NLRC5: variants seen among roughly 807,000 people sequenced by gnomAD.
NLRC5 encodes the protein NLR family CARD domain containing 5.
In NLRC5, 114 loss-of-function variants were observed where a neutral mutation model predicts 206.9. That is an observed-to-expected ratio of 0.55 (90% CI 0.47 to 0.64). The LOEUF (loss-of-function observed/expected upper bound fraction) is 0.64, where lower values mean the gene tolerates loss of function less well. Among genes scored for constraint, NLRC5 ranks in the 30% least tolerant of loss-of-function variants. The probability of loss-of-function intolerance (pLI) is 0.00; values close to 1 mark genes in which losing one functional copy is unlikely to be tolerated. For synonymous variants in NLRC5, 952 were observed against 962.8 expected (o/e 0.99, Z 0.21); for missense variants, 2,008 against 2,305.5 (o/e 0.87, Z 2.64).
chr16:57,044,178 G>A (rs1248223787), intron 20 of NLRC5, among the ~76,000 whole-genome samples: 4 of 151,028 alleles, frequency 2.6e-5, no homozygotes, highest in Non-Finnish European at 4.4e-5. Flanking sequence ...GGGCGTGGTT[G>A]TGAGCCCTTG....
chr16:57,051,717 C>G, intron 24 of NLRC5, 96 bp downstream of exon 24: 1 of 942,938 alleles, frequency 1.1e-6, no homozygotes, highest in East Asian at 2.4e-5. Context: ...ACCCCTCAAC[C>G]CCCCGCCTTT....
At chr16:57,046,786 G>C in intron 22 of NLRC5, 145 bp downstream of exon 22, 2 of 673,318 alleles carry the variant, frequency 3.0e-6, no homozygotes, top group Non-Finnish European at 2.5e-6. Context: ...AAGAGGCGTG[G>C]GTGTGAGGGG....
In NLRC5 at chr16:57,034,215, C is replaced by A; in HGVS notation, c.2591C>A (p.Ala864Asp). The change falls in exon 13 of 49, where the codon GCC becomes GAC. Residue 864 changes from alanine to aspartate, a missense_variant. Transcript: ENST00000688547. ...GTCCACGATGCGGAGGCCCTCATAG[C>A]CCTGCTCCAGGAAGGCCCTCACCTG... The part of the protein sequence containing the change: ...LQVHDAEALI[A>D]LLQEGPHLEE... 5 of 1,614,090 alleles carry A rather than the reference C, an allele frequency of 3.1e-6. No homozygotes were observed. Among genetic ancestry groups the A allele is most frequent in the South Asian group, 1.1e-5 (1 of 91,060 alleles).
rs1312291958 is a variant in NLRC5, at chr16:57,020,758, T to C, written c.46T>C (p.Cys16Arg). 3 of 1,612,424 alleles carry C rather than the reference T, an allele frequency of 1.9e-6. No homozygotes were observed. ...GCTCGGCAACAAGAACCTGTGGAGC[T>C]GTCTTGTGAGGCTGCTCACCAAAGA... ...LQLGNKNLWSCLVRLLTKDPE... is the reference protein window; with the variant it reads ...LQLGNKNLWSRLVRLLTKDPE... Residue 16 changes from cysteine to arginine, a missense_variant, in exon 3 of 49, where the codon TGT becomes CGT. Physicochemically the swap from Cys to Arg is radical, Grantham distance 180. Coordinates refer to ENST00000688547, the MANE Select transcript of NLRC5 (RefSeq NM_001384950.1).
In NLRC5 at chr16:57,081,369, C is replaced by G. The variant is rs578180760; in HGVS notation, c.5406-158C>G. 7.0e-5 allele frequency: 61 copies of G among 876,780 alleles called. 1 individual carries two copies. The South Asian group carries it at 9.4e-4, about 13-fold the overall frequency. 54.3% of individuals were successfully genotyped at this position (876,780 alleles called of 1,614,324 possible). On this transcript the variant is annotated intron_variant, in intron 47 of 48. Coordinates refer to ENST00000688547, the MANE Select transcript of NLRC5 (RefSeq NM_001384950.1). The stretch of plus-strand genomic sequence containing the variant: ...TCTAGCCTTCAGCCTTCCTGCTGCA[C>G]CTGCCACCAGTCCCCTGTTGTCTTT...
At chr16:57,078,042 C>A (rs2068625696) in intron 43 of NLRC5, 22 bp downstream of exon 43, 1 of 1,553,648 alleles carries the variant, frequency 6.4e-7, no homozygotes, top group Non-Finnish European at 8.8e-7. Flanking sequence ...CCTGCCCATA[C>A]CATGCAGGGC....
At chr16:57,003,490 G>T (rs2058539569) in intron 1 of NLRC5, among the ~76,000 whole-genome samples, 2 of 151,940 alleles carry the variant, frequency 1.3e-5, no homozygotes, top group African/African-American at 2.4e-5. Context: ...TCTCTGCCCG[G>T]ATGCCCCCAC....
intron 46 of NLRC5, among the ~76,000 whole-genome samples, chr16:57,080,613 T>C (rs1162216648): frequency 6.6e-6 from 1 of 151,070 alleles, no homozygotes; most frequent in African/African-American, 2.4e-5. Context: ...GCCTCCTGAG[T>C]AGCTGGGATT....
At position 57,042,193 on chromosome 16, in the gene NLRC5, C is replaced by T. The variant is rs570914068; in HGVS notation, c.3113+128C>T. 1.1e-4 allele frequency: 59 copies of T among 529,336 alleles called. 1 individual carries two copies. The South Asian group carries it at 2.0e-3, about 18-fold the overall frequency. The allele number at this position is 529,336 out of a possible 1,614,324, so 32.8% of individuals were successfully genotyped here. ...AAATGCATGAAAATTGCCCCTAATACAATGTAAGTTCTCGGTGAAGGCTAG... is the reference window on the plus strand; with the variant it reads ...AAATGCATGAAAATTGCCCCTAATATAATGTAAGTTCTCGGTGAAGGCTAG... On this transcript the variant is annotated intron_variant, in intron 19 of 48. Transcript: ENST00000688547.
intron 1 of NLRC5, among the ~76,000 whole-genome samples, chr16:57,008,216 C>T (rs570194437): frequency 3.1e-4 from 47 of 152,226 alleles, no homozygotes; most frequent in Non-Finnish European, 6.5e-4. Context: ...AGCAAGACCC[C>T]GCCTCTATTT....
intron 27 of NLRC5, among the ~76,000 whole-genome samples, chr16:57,056,949 G>A (rs530074066): frequency 3.9e-5 from 6 of 151,902 alleles, no homozygotes; most frequent in Non-Finnish European, 7.4e-5. Flanking sequence ...TTGAGCCACC[G>A]CACCCAGCCA....
intron 22 of NLRC5, among the ~76,000 whole-genome samples, chr16:57,046,852 C>T (rs1309720269): frequency 1.3e-5 from 2 of 152,194 alleles, no homozygotes; most frequent in African/African-American, 2.4e-5. Flanking sequence ...GCCCATGCCC[C>T]GCATTCTCCT....
Position 57,028,383 on chromosome 16 carries a change from C to A in NLRC5, c.2241C>A (p.Val747=). ...CTCTCTGTCCACAGCTGAAAGAAGT[C>A]AGGTGAGTGATCTCCAGGAGGGCTC... ...ALPLCPQLKE[V]SFRDNQLSDQ... is the part of the protein sequence containing the mutation. Residue 747 remains valine, a splice_region_variant and synonymous_variant, in exon 8 of 49, where the codon GTC becomes GTA. Coordinates refer to ENST00000688547, the MANE Select transcript of NLRC5 (RefSeq NM_001384950.1). 1 of 1,613,472 alleles carries A rather than the reference C, an allele frequency of 6.2e-7. No homozygotes were observed. Among genetic ancestry groups the A allele is most frequent in the Non-Finnish European group, 8.5e-7 (1 of 1,179,396 alleles).
intron 4 of NLRC5, among the ~76,000 whole-genome samples, chr16:57,023,450 T>C (rs2060894275): frequency 6.6e-6 from 1 of 152,160 alleles, no homozygotes; most frequent in African/African-American, 2.4e-5. Flanking sequence ...CCATAGAGCT[T>C]GGTCCTTCCC....
rs1214565867 is a variant in NLRC5 at position 57,022,411 on chromosome 16, TCA to T, written c.355+99_355+100del. ...AGGCTGTGGAGGCTGTGGTGGCTGG[TCA>T]CAGCCATTTCTCATAGGCCATGCTC... is the stretch of plus-strand genomic sequence containing the variant. On this transcript the variant is annotated intron_variant, in intron 4 of 48. Transcript: ENST00000688547. 30 of 1,056,186 alleles carry T rather than the reference TCA, an allele frequency of 2.8e-5. 1 individual carries two copies. In the Admixed American group the frequency reaches 4.4e-4, roughly 16 times the overall value. The allele number at this position is 1,056,186 out of a possible 1,614,324, so 65.4% of individuals were successfully genotyped here.
At position 57,046,551 on chromosome 16, in the gene NLRC5, G is replaced by A; in HGVS notation, c.3249-1G>A. On this transcript the variant is annotated splice_acceptor_variant, in intron 21 of 48. Transcript: ENST00000688547. LOFTEE classifies it high-confidence loss of function. Reference sequence around the variant, plus strand: ...TCCTTTCTAAATGATCCCCCTCCTAGGGATATGTGGGCCACTGGATCTTTG... The same window carrying A: ...TCCTTTCTAAATGATCCCCCTCCTAAGGATATGTGGGCCACTGGATCTTTG... The A allele has an allele frequency of 6.2e-7, 1 of 1,613,448 alleles. No individual in the cohort carries two copies. The highest frequency in any genetic ancestry group is 8.5e-7 in the Non-Finnish European group (1 of 1,179,510).
intron 23 of NLRC5, 71 bp from the exon 24 acceptor site, chr16:57,051,467 T>C (rs1470028304): frequency 2.6e-6 from 3 of 1,132,470 alleles, no homozygotes; most frequent in Non-Finnish European, 4.0e-6. Flanking sequence ...CAGAAGGCTC[T>C]GGCTATGAGG....
intron 38 of NLRC5, among the ~76,000 whole-genome samples, chr16:57,073,852 A>G (rs1019641859): frequency 6.6e-6 from 1 of 152,182 alleles, no homozygotes; most frequent in Non-Finnish European, 1.5e-5. Context: ...CCTTGGCCTC[A>G]CAAAGTCCTG....
chr16:57,045,217 A>G lies in NLRC5; in HGVS notation c.3204-231A>G, dbSNP rs917422803. 6.4e-5 allele frequency: 35 copies of G among 542,954 alleles called. No individual in the cohort carries two copies. The East Asian group carries it at 1.0e-3, about 16-fold the overall frequency. 33.6% of individuals were successfully genotyped at this position (542,954 alleles called of 1,614,324 possible). On this transcript the variant is annotated intron_variant, in intron 20 of 48. Transcript: ENST00000688547. Reference sequence around the variant, plus strand: ...GCAAGACCCTTTCTTCGAAACAACAACAAAGAAGAATTTCTTACCTCATTG... The same window carrying G: ...GCAAGACCCTTTCTTCGAAACAACAGCAAAGAAGAATTTCTTACCTCATTG...
Sources: gnomAD v4.1 joint callset for allele counts (sites outside exome capture counted in the v4.1 genomes callset) on GRCh38, gnomAD v4.1.1 for gene constraint, MANE v1.5 for transcripts, NCBI Gene and HGNC (gene_info 2026-07-23, HGNC 2026-07-21) for gene names.